The following LRMDA variants were observed in gnomAD, a reference collection of about 807,000 sequenced individuals.
LRMDA encodes the protein leucine rich melanocyte differentiation associated, also known as leucine-rich melanocyte differentiation-associated protein.
A neutral mutation model predicts 29.8 loss-of-function variants in LRMDA; 18 were observed. The observed-to-expected ratio is 0.60, with a 90% CI of 0.42 to 0.90. LRMDA has a LOEUF of 0.90. Ranked by LOEUF, LRMDA falls within the 40% of genes least tolerant of loss-of-function variation. The pLI is 0.00. For missense variants in LRMDA, 273 were observed against 273.9 expected, an observed-to-expected ratio of 1.00 and a Z score of 0.02; for synonymous variants, 125 against 109.4, an observed-to-expected ratio of 1.14 and a Z score of -0.89.
intron 2 of LRMDA, among the ~76,000 whole-genome samples, chr10:75,741,278 G>A (rs1343255604): frequency 6.6e-6 from 1 of 152,180 alleles, no homozygotes; most frequent in Non-Finnish European, 1.5e-5. Context: ...GTAGGACTGA[G>A]GTCCCTGTTT....
At chr10:75,835,895 A>T (rs1026376292) in intron 2 of LRMDA, among the ~76,000 whole-genome samples, 2 of 152,214 alleles carry the variant, frequency 1.3e-5, no homozygotes, top group African/African-American at 4.8e-5. Flanking sequence ...GTTCAGTGCT[A>T]AAGTCAGTTG....
At chr10:75,621,013 A>G (rs866973246) in intron 2 of LRMDA, among the ~76,000 whole-genome samples, 20 of 152,092 alleles carry the variant, frequency 1.3e-4, no homozygotes, top group African/African-American at 4.8e-4. Context: ...CCGTGTCCCC[A>G]AAGTCTAATG....
intron 2 of LRMDA, among the ~76,000 whole-genome samples, chr10:75,463,215 C>T (rs1306095796): frequency 1.3e-5 from 2 of 152,140 alleles, no homozygotes; most frequent in South Asian, 4.1e-4. Flanking sequence ...GATGGGTGGG[C>T]TCTAAGGGGT....
intron 2 of LRMDA, among the ~76,000 whole-genome samples, chr10:75,956,702 C>T (rs1042301353): frequency 6.6e-6 from 1 of 152,188 alleles, no homozygotes; most frequent in Non-Finnish European, 1.5e-5. Flanking sequence ...GTGGCCAAAG[C>T]TGGCTTACCA....
chr10:76,021,279 G>A (rs977393385), intron 2 of LRMDA, among the ~76,000 whole-genome samples: 11 of 152,176 alleles, frequency 7.2e-5, no homozygotes, highest in South Asian at 2.1e-4. Context: ...TGTGATGCAC[G>A]TCAATAGTGA....
At chr10:76,116,143 G>C (rs1849664959) in intron 5 of LRMDA, among the ~76,000 whole-genome samples, 1 of 152,108 alleles carries the variant, frequency 6.6e-6, no homozygotes, top group Non-Finnish European at 1.5e-5. Flanking sequence ...TGTTTGTGCA[G>C]GTACACTAGG....
chr10:75,732,558 G>C (rs1243925314), intron 2 of LRMDA, among the ~76,000 whole-genome samples: 2 of 152,204 alleles, frequency 1.3e-5, no homozygotes, highest in African/African-American at 4.8e-5. Flanking sequence ...TGGCAGCATG[G>C]TGAGAGCCTC....
intron 2 of LRMDA, among the ~76,000 whole-genome samples, chr10:75,902,916 C>T (rs1186209082): frequency 6.6e-6 from 1 of 152,076 alleles, no homozygotes; most frequent in Admixed American, 6.5e-5. Context: ...CACCCTCTGG[C>T]CAGAGAAATG....
intron 2 of LRMDA, among the ~76,000 whole-genome samples, chr10:75,747,454 ATT>A (rs1842903161): frequency 6.6e-6 from 1 of 152,238 alleles, no homozygotes; most frequent in African/African-American, 2.4e-5. Flanking sequence ...TAAAATTATA[ATT>A]TATGAAATAC....
At chr10:76,305,934 A>T (rs1301060451) in intron 5 of LRMDA, among the ~76,000 whole-genome samples, 1 of 152,212 alleles carries the variant, frequency 6.6e-6, no homozygotes, top group Non-Finnish European at 1.5e-5. Flanking sequence ...TTCTCAAATG[A>T]CTTTCCATCT....
At chr10:76,253,097 C>T (rs1216248026) in intron 5 of LRMDA, among the ~76,000 whole-genome samples, 3 of 152,106 alleles carry the variant, frequency 2.0e-5, no homozygotes, top group East Asian at 1.9e-4. Flanking sequence ...TTTATATAAG[C>T]GACTGCCCAG....
intron 2 of LRMDA, among the ~76,000 whole-genome samples, chr10:75,699,373 AT>A (rs1370050297): frequency 6.6e-6 from 1 of 152,224 alleles, no homozygotes; most frequent in Non-Finnish European, 1.5e-5. Context: ...AAAGGTTTTC[AT>A]CATCATGTGA....
chr10:76,007,015 T>C lies in LRMDA; in HGVS notation c.132-28993T>C, dbSNP rs866263917. Among the ~76,000 whole-genome samples, 207 of 116,264 alleles carry C rather than the reference T, an allele frequency of 1.8e-3. 2 individuals are homozygous for C. Among genetic ancestry groups the C allele is most frequent in the African/African-American group, 6.6e-3 (196 of 29,770 alleles). 76.3% of individuals were successfully genotyped at this position (116,264 alleles called of 152,430 possible). Reference sequence around the variant, plus strand: ...GTGTGTGTGTGTGTGTGTGTGTGTGTGTGTGTGTGTGTGTGTGCGCGTGTG... The same window carrying C: ...GTGTGTGTGTGTGTGTGTGTGTGTGCGTGTGTGTGTGTGTGTGCGCGTGTG... On this transcript the variant is annotated intron_variant, in intron 2 of 6. Transcript: ENST00000611255.
intron 2 of LRMDA, among the ~76,000 whole-genome samples, chr10:75,900,734 T>C (rs1845656180): frequency 6.6e-6 from 1 of 152,156 alleles, no homozygotes; most frequent in Admixed American, 6.5e-5. Flanking sequence ...TGAATCTTGA[T>C]TGGAATTTGG....
At chr10:76,048,207 T>C (rs1848472621) in intron 4 of LRMDA, among the ~76,000 whole-genome samples, 1 of 152,184 alleles carries the variant, frequency 6.6e-6, no homozygotes, top group South Asian at 2.1e-4. Flanking sequence ...TATACATATA[T>C]GTCTGTGTCT....
At chr10:75,703,474 C>G (rs1036676936) in intron 2 of LRMDA, among the ~76,000 whole-genome samples, 6 of 152,158 alleles carry the variant, frequency 3.9e-5, no homozygotes, top group African/African-American at 1.4e-4. Context: ...CAAAGTGTCC[C>G]AGGTGTGAGG....
chr10:75,625,585 G>T (rs1192603564), intron 2 of LRMDA, among the ~76,000 whole-genome samples: 9 of 152,134 alleles, frequency 5.9e-5, no homozygotes, highest in Admixed American at 5.9e-4. Context: ...AAAATATCTA[G>T]TTATTTATCT....
At chr10:76,205,426 C>T (rs1851516256) in intron 5 of LRMDA, among the ~76,000 whole-genome samples, 1 of 152,146 alleles carries the variant, frequency 6.6e-6, no homozygotes, top group African/African-American at 2.4e-5. Flanking sequence ...ACTTTAATGG[C>T]TTAAAATGAA....
intron 5 of LRMDA, among the ~76,000 whole-genome samples, chr10:76,280,131 A>G (rs939441034): frequency 6.6e-6 from 1 of 152,272 alleles, no homozygotes; most frequent in South Asian, 2.1e-4. Context: ...GGACACGTAG[A>G]GCCAAGGCCT....
Sources: allele counts gnomAD v4.1 joint callset (sites outside exome capture counted in the v4.1 genomes callset), GRCh38; gene constraint gnomAD v4.1.1; transcripts MANE v1.5; gene names NCBI Gene and HGNC (gene_info 2026-07-23, HGNC 2026-07-21).